The following ABCC6 variants were observed in gnomAD, a reference collection of about 807,000 sequenced individuals.
ABCC6 encodes ATP binding cassette subfamily C member 6.
A neutral mutation model predicts 169.5 loss-of-function variants in ABCC6; 126 were observed. The ratio of observed to expected loss-of-function variants is 0.74; its 90% CI spans 0.64 to 0.86. ABCC6 has a LOEUF of 0.86. ABCC6 is among the 40% of genes least tolerant of loss of function. The pLI is 0.00. For synonymous variants in ABCC6, 752 were observed against 814.7 expected, an observed-to-expected ratio of 0.92 and a Z score of 1.31; for missense variants, 1,733 against 1,927.2, an observed-to-expected ratio of 0.90 and a Z score of 1.89.
chr16:16,212,149 G>A (rs1357095383), intron 6 of ABCC6, 36 bp downstream of exon 6: 2 of 706,148 alleles, frequency 2.8e-6, no homozygotes, highest in South Asian at 3.0e-5. Flanking sequence ...AGGCGGGTGA[G>A]GCACCACCCC....
intron 11 of ABCC6, among the ~76,000 whole-genome samples, chr16:16,192,309 G>C (rs566000105): frequency 6.6e-6 from 1 of 152,170 alleles, no homozygotes; most frequent in African/African-American, 2.4e-5. Flanking sequence ...AGCTCAGGGC[G>C]GGCCTGGTGG....
intron 29 of ABCC6, among the ~76,000 whole-genome samples, chr16:16,151,701 C>T (rs1171600258): frequency 1.3e-5 from 2 of 152,248 alleles, no homozygotes; most frequent in Non-Finnish European, 2.9e-5. Context: ...TTCACTCAAT[C>T]CTCATAATGT....
In ABCC6 at chr16:16,173,305, C is replaced by T; in HGVS notation, c.2766G>A (p.Lys922=). 1 of 1,613,980 alleles carries T rather than the reference C, an allele frequency of 6.2e-7. No individual in the cohort carries two copies. Among genetic ancestry groups the T allele is most frequent in the Non-Finnish European group, 8.5e-7 (1 of 1,180,006 alleles). The change falls in exon 21 of 31, where the codon AAG becomes AAA. Residue 922 remains lysine, a synonymous_variant. Coordinates refer to ENST00000205557, the MANE Select transcript of ABCC6 (RefSeq NM_001171.6). ...DPDRAGWPAG[K]DSIQYGRVKA... ...TTACCCTGCCGTATTGGATGCTGTC[C>T]TTTCCTGCTGGCCATCCTGCCCTGT...
Position 16,185,030 on chromosome 16 carries a change from G to C in ABCC6, c.1872C>G (p.Ala624=). Residue 624 remains alanine (A), a synonymous_variant, in exon 15 of 31, where the codon GCC becomes GCG. Coordinates refer to ENST00000205557, the MANE Select transcript of ABCC6 (RefSeq NM_001171.6). ...VVDSSSSGSA[A]GKDCITIHSA... ...TGTGTATGGTGATGCAATCCTTCCC[G>C]GCAGCTGCAGGGCACAAGAGGCCAT... 6 of 1,613,384 alleles carry C rather than the reference G, an allele frequency of 3.7e-6. No individual in the cohort carries two copies. Among genetic ancestry groups the C allele is most frequent in the Non-Finnish European group, 5.1e-6 (6 of 1,179,338 alleles).
chr16:16,212,267 G>A, intron 5 of ABCC6, 21 bp from the exon 6 acceptor site: 1 of 735,354 alleles, frequency 1.4e-6, no homozygotes, highest in Non-Finnish European at 2.5e-6. Flanking sequence ...CAAAAATGGA[G>A]AAGGGAAGTA....
At chr16:16,174,760 A>ACCCGC (rs2047217597) in intron 20 of ABCC6, among the ~76,000 whole-genome samples, 1 of 94,632 alleles carries the variant, frequency 1.1e-5, no homozygotes, top group Non-Finnish European at 2.2e-5. Flanking sequence ...CTGTCTCAAA[A>ACCCGC]CCCCCCCCCG....
chr16:16,219,977 G>C, intron 2 of ABCC6, 30 bp from the exon 3 acceptor site: 1 of 1,525,786 alleles, frequency 6.6e-7, no homozygotes, highest in Non-Finnish European at 8.9e-7. Context: ...TAAGCTTGGG[G>C]GGCAATAAGA....
At position 16,150,755 on chromosome 16, in the gene ABCC6, A is replaced by T. The variant is rs776557438; in HGVS notation, c.4226T>A (p.Leu1409His). 28 of 1,613,712 alleles carry T rather than the reference A, an allele frequency of 1.7e-5. No individual in the cohort carries two copies. Among genetic ancestry groups the T allele is most frequent in the Non-Finnish European group, 2.1e-5 (25 of 1,179,936 alleles). Residue 1409 changes from leucine to histidine, a missense_variant, in exon 30 of 31, where the codon CTC (leucine) becomes CAC (histidine). Physicochemically the swap from Leu to His is moderately conservative, Grantham distance 99. Around this residue, in one of 5 missense-constraint regions of ABCC6, gnomAD observed 1,601 missense variants for 1,635.5 expected, o/e 0.98. Coordinates refer to ENST00000205557, the MANE Select transcript of ABCC6 (RefSeq NM_001171.6). ...GEDLSVGQKQ[L>H]LCLARALLRK... ...GAGAAGGGCACGTGCCAGACACAGG[A>T]GCTGTTTCTGGCCCACGCTGGGAAC...
At chr16:16,183,681 A>G (rs1465571061) in intron 15 of ABCC6, among the ~76,000 whole-genome samples, 1 of 152,090 alleles carries the variant, frequency 6.6e-6, no homozygotes, top group Non-Finnish European at 1.5e-5. Context: ...CCCAGGAGTC[A>G]TTTGGCAAGA....
At position 16,150,649 on chromosome 16, in the gene ABCC6, G is replaced by T. The variant is rs559653607; in HGVS notation, c.4332C>A (p.Leu1444=). 6.2e-7 allele frequency: 1 copy of T among 1,613,442 alleles called. No homozygotes were observed. The change falls in exon 30 of 31, where the codon CTC becomes CTA. Residue 1444 remains leucine, a synonymous_variant. Coordinates refer to ENST00000205557, the MANE Select transcript of ABCC6 (RefSeq NM_001171.6). Reference sequence around the variant, plus strand: ...CAGTGCACTGTGCAAACCAGCTCCCGAGCATGGCCTGCATCTGCAGCTCCG... The same window carrying T: ...CAGTGCACTGTGCAAACCAGCTCCCTAGCATGGCCTGCATCTGCAGCTCCG... ...PGTELQMQAM[L]GSWFAQCTVL...
intron 14 of ABCC6, among the ~76,000 whole-genome samples, chr16:16,186,801 C>T (rs926615216): frequency 3.3e-5 from 5 of 152,002 alleles, no homozygotes; most frequent in African/African-American, 1.2e-4. Flanking sequence ...CGCCTCTCCC[C>T]GGTCCGTGGG....
chr16:16,173,584 AC>A (rs1265908331), intron 20 of ABCC6, among the ~76,000 whole-genome samples, 180 bp from the exon 21 acceptor site: 3 of 152,066 alleles, frequency 2.0e-5, no homozygotes, highest in Non-Finnish European at 4.4e-5. Context: ...CCCATATGGT[AC>A]CCAGCTAAAT....
At chr16:16,214,110 A>G (rs2152295356) in intron 5 of ABCC6, among the ~76,000 whole-genome samples, 1 of 152,348 alleles carries the variant, frequency 6.6e-6, no homozygotes. Context: ...AGAGTTGAGT[A>G]ATTGCCACTG....
At chr16:16,158,404 C>G (rs541253722) in intron 26 of ABCC6, among the ~76,000 whole-genome samples, 20 of 151,700 alleles carry the variant, frequency 1.3e-4, no homozygotes, top group African/African-American at 4.8e-4. Flanking sequence ...CATCTCTTAT[C>G]CTTTATCCAC....
intron 22 of ABCC6, 154 bp from the exon 23 acceptor site, chr16:16,166,087 G>T (rs2046865541): frequency 1.3e-6 from 1 of 765,910 alleles, no homozygotes; most frequent in South Asian, 1.8e-5. Flanking sequence ...GTCTCACTCT[G>T]TCACCCATGT....
intron 10 of ABCC6, among the ~76,000 whole-genome samples, chr16:16,194,990 A>G (rs1161884795): frequency 1.3e-5 from 2 of 151,916 alleles, no homozygotes; most frequent in Non-Finnish European, 2.9e-5. Flanking sequence ...TGGGAACACT[A>G]TTTTCTAACA....
rs755758825 is a variant in ABCC6 at position 16,184,910 on chromosome 16, T to C, written c.1943+49A>G. On this transcript the variant is annotated intron_variant, in intron 15 of 30. Coordinates refer to ENST00000205557, the MANE Select transcript of ABCC6 (RefSeq NM_001171.6). ...TGGGAGGCAGCAGGAGCCCCATGCA[T>C]CTTCTCCCTAAAAACATGAGGCTGG... is the stretch of plus-strand genomic sequence containing the variant. 4 of 1,567,122 alleles carry C rather than the reference T, an allele frequency of 2.6e-6. No individual in the cohort carries two copies. In the East Asian group the frequency reaches 9.0e-5, roughly 35 times the overall value.
chr16:16,197,265 G>A (rs554084869), intron 10 of ABCC6, among the ~76,000 whole-genome samples: 9 of 152,172 alleles, frequency 5.9e-5, no homozygotes, highest in East Asian at 5.8e-4. Flanking sequence ...AAGTATCAAC[G>A]TCATCATCAT....
At chr16:16,154,546 A>G in intron 29 of ABCC6, 82 bp downstream of exon 29, 1 of 1,565,450 alleles carries the variant, frequency 6.4e-7, no homozygotes, top group Non-Finnish European at 8.7e-7. Context: ...CGGGGGAGGC[A>G]TTTCCTGAAG....
Sources: allele counts gnomAD v4.1 joint callset (sites outside exome capture counted in the v4.1 genomes callset), GRCh38; gene constraint gnomAD v4.1.1; regional missense constraint gnomAD v4.1.1; transcripts MANE v1.5; gene names NCBI Gene and HGNC (gene_info 2026-07-23, HGNC 2026-07-21).